Variants in CCDC178 observed in about 807,000 individuals in gnomAD.
CCDC178 encodes the protein coiled-coil domain-containing protein 178.
Under a neutral mutation model 117.4 loss-of-function variants are expected in CCDC178, and 126 were observed. The ratio of observed to expected loss-of-function variants is 1.07; its 90% confidence interval spans 0.93 to 1.24. The LOEUF is 1.24. Among genes scored for constraint, CCDC178 ranks in the 50% most tolerant of loss-of-function variants. The pLI, the probability that CCDC178 is intolerant of heterozygous loss-of-function variation, is 0.00. For missense variants in CCDC178, 1,030 were observed against 986.9 expected (o/e 1.04, Z -0.59); for synonymous variants, 283 against 313.4 (o/e 0.90, Z 1.02).
intron 6 of CCDC178, among the ~76,000 whole-genome samples, chr18:33,367,761 T>C (rs2063233534): frequency 6.6e-6 from 1 of 151,958 alleles, no homozygotes; most frequent in African/African-American, 2.4e-5. Context: ...AGTTCAACAC[T>C]AGCAAATCTA....
intron 11 of CCDC178, among the ~76,000 whole-genome samples, chr18:33,301,758 G>C (rs1335738718): frequency 6.6e-6 from 1 of 152,174 alleles, no homozygotes; most frequent in African/African-American, 2.4e-5. Flanking sequence ...TTTACCCAGT[G>C]CCTATACTAC....
At chr18:33,351,148 ATGTGTGTGTGTG>A (rs143702049) in intron 7 of CCDC178, among the ~76,000 whole-genome samples, 10 of 138,086 alleles carry the variant, frequency 7.2e-5, no homozygotes, top group South Asian at 5.1e-4. Flanking sequence ...ACTGATCATG[ATGTGTGTGTGTG>A]TGTGTGTGTG....
chr18:33,194,873 A>C (rs1568047302), intron 20 of CCDC178, among the ~76,000 whole-genome samples: 1 of 147,770 alleles, frequency 6.8e-6, no homozygotes, highest in South Asian at 2.2e-4. Flanking sequence ...AGACCAGCCT[A>C]GGCAATACAA....
At chr18:32,964,685 A>T (rs980101448) in intron 22 of CCDC178, among the ~76,000 whole-genome samples, 1 of 151,904 alleles carries the variant, frequency 6.6e-6, no homozygotes, top group African/African-American at 2.4e-5. Flanking sequence ...CACGTCCCAG[A>T]TGATACAAAC....
At chr18:33,412,172 TA>T in intron 2 of CCDC178, 62 bp from the exon 3 acceptor site, 1 of 668,228 alleles carries the variant, frequency 1.5e-6, no homozygotes, top group Non-Finnish European at 2.5e-6. Context: ...TTAATTTTAC[TA>T]AAAATTGTCA....
In CCDC178 at chr18:33,403,489, C is replaced by CAAA. The variant is rs34702028; in HGVS notation, c.59-6284_59-6282dup. Reference sequence around the variant, plus strand: ...GTTTTCAACAAAAATGTATGACATCCAAAAAAAAAAAAAACCGGACAAATG... The same window carrying CAAA: ...GTTTTCAACAAAAATGTATGACATCCAAAAAAAAAAAAAAAAACCGGACAAATG... On this transcript the variant is annotated intron_variant, in intron 3 of 22. Transcript: ENST00000383096. Among the ~76,000 whole-genome samples the CAAA allele has an allele frequency of 2.5e-3, 295 of 115,758 alleles. 2 individuals carry two copies. Among genetic ancestry groups the CAAA allele is most frequent in the African/African-American group, 8.4e-3 (278 of 33,098 alleles). The allele number at this position is 115,758 out of a possible 152,430, so 75.9% of individuals were successfully genotyped here. A position where few individuals can be genotyped will look rare whatever the true frequency, so the allele number is the denominator to read the frequency against.
chr18:33,378,985 A>G (rs575214705), intron 5 of CCDC178, among the ~76,000 whole-genome samples: 2 of 151,416 alleles, frequency 1.3e-5, no homozygotes, highest in African/African-American at 4.8e-5. Context: ...CCACTTTGAT[A>G]TTTTGTAATA....
At chr18:33,190,520 G>A (rs1480022353) in intron 20 of CCDC178, among the ~76,000 whole-genome samples, 14 of 151,928 alleles carry the variant, frequency 9.2e-5, no homozygotes, top group East Asian at 5.8e-4. Context: ...AATACTTTTC[G>A]TAATTATTTT....
chr18:33,240,556 T>C (rs1381811042), intron 15 of CCDC178, among the ~76,000 whole-genome samples: 1 of 150,964 alleles, frequency 6.6e-6, no homozygotes, highest in African/African-American at 2.4e-5. Context: ...ACAACAGAAA[T>C]AAAAAGGATC....
At chr18:33,174,534 A>G (rs2058640733) in intron 20 of CCDC178, among the ~76,000 whole-genome samples, 1 of 152,184 alleles carries the variant, frequency 6.6e-6, no homozygotes, top group Non-Finnish European at 1.5e-5. Context: ...AATAGTGAAC[A>G]GAGAGAACTG....
intron 21 of CCDC178, among the ~76,000 whole-genome samples, chr18:33,076,413 G>A (rs1163143754): frequency 7.9e-5 from 12 of 152,164 alleles, no homozygotes; most frequent in Admixed American, 7.9e-4. Context: ...AATATAGGAG[G>A]ATATTTGAGG....
intron 3 of CCDC178, among the ~76,000 whole-genome samples, chr18:33,398,882 A>AT (rs2063674581): frequency 2.0e-5 from 3 of 152,240 alleles, no homozygotes; most frequent in African/African-American, 7.2e-5. Flanking sequence ...ATTTCTAAAC[A>AT]TTGTCTAAAT....
intron 5 of CCDC178, among the ~76,000 whole-genome samples, chr18:33,383,646 A>G (rs1028378351): frequency 2.0e-4 from 30 of 152,154 alleles, no homozygotes; most frequent in African/African-American, 6.8e-4. Flanking sequence ...ATGAAAAACA[A>G]CAAACAAAAA....
chr18:33,004,603 C>A (rs553820541), intron 21 of CCDC178, among the ~76,000 whole-genome samples: 1 of 151,988 alleles, frequency 6.6e-6, no homozygotes, highest in Non-Finnish European at 1.5e-5. Flanking sequence ...GCAACCAAAT[C>A]AAAAATGGAC....
At chr18:32,940,736 T>C (rs1394684169) in intron 22 of CCDC178, among the ~76,000 whole-genome samples, 2 of 152,078 alleles carry the variant, frequency 1.3e-5, no homozygotes, top group African/African-American at 4.8e-5. Context: ...CCAGCAGTTA[T>C]ATGAGTTATT....
At position 33,096,377 on chromosome 18, in the gene CCDC178, TATATAAAA is replaced by T. The variant is rs1412022522; in HGVS notation, c.2239-3475_2239-3468del. Among the ~76,000 whole-genome samples the T allele has an allele frequency of 2.4e-4, 31 of 131,900 alleles. 1 individual carries two copies. Among genetic ancestry groups the T allele is most frequent in the South Asian group, 1.1e-3 (5 of 4,586 alleles). The allele number at this position is 131,900 out of a possible 152,430, so 86.5% of individuals were successfully genotyped here. ...ATAAAAATATAAAATTTTTATATTT[TATATAAAA>T]ATATAAAAATATAAAAAATATAAAG... On this transcript the variant is annotated intron_variant, in intron 20 of 22. Transcript: ENST00000383096.
chr18:32,952,345 G>T (rs1428011762), intron 22 of CCDC178, among the ~76,000 whole-genome samples: 1 of 152,226 alleles, frequency 6.6e-6, no homozygotes, highest in Non-Finnish European at 1.5e-5. Context: ...AATCTAGGTG[G>T]AAGTTCCCAA....
chr18:33,365,221 G>C (rs1331070668), intron 6 of CCDC178, among the ~76,000 whole-genome samples: 1 of 152,078 alleles, frequency 6.6e-6, no homozygotes, highest in Non-Finnish European at 1.5e-5. Flanking sequence ...AAGAAACTTA[G>C]TAAAGAGTCA....
intron 2 of CCDC178, among the ~76,000 whole-genome samples, chr18:33,421,737 C>A (rs983438546): frequency 6.6e-6 from 1 of 152,002 alleles, no homozygotes; most frequent in East Asian, 1.9e-4. Context: ...AATGCTGGAA[C>A]GGGTTACGCT....
Sources: allele counts gnomAD v4.1 joint callset (sites outside exome capture counted in the v4.1 genomes callset), GRCh38; gene constraint gnomAD v4.1.1; transcripts MANE v1.5; gene names NCBI Gene and HGNC (gene_info 2026-07-23, HGNC 2026-07-21).